ITSN1: variants seen among roughly 807,000 people sequenced by gnomAD.
The protein encoded by ITSN1 is intersectin-1.
ITSN1 carries 58 observed loss-of-function variants against 239.8 expected under a neutral mutation model. The observed-to-expected ratio is 0.24, with a 90% CI of 0.20 to 0.30. The LOEUF is 0.30. Ranked by LOEUF, ITSN1 falls within the 10% of genes least tolerant of loss-of-function variation. ITSN1 has a pLI of 1.00. For missense variants in ITSN1, 1,558 were observed against 2,103.3 expected, an observed-to-expected ratio of 0.74 and a Z score of 5.07; for synonymous variants, 780 against 770.8, an observed-to-expected ratio of 1.01 and a Z score of -0.20.
rs1049253199 is a variant in ITSN1, at chr21:33,875,622, C to T, written c.4341+101C>T. 73 of 1,029,068 alleles carry T rather than the reference C, an allele frequency of 7.1e-5. No homozygotes were observed. The African/African-American group carries it at 8.7e-4, about 12-fold the overall frequency. 63.7% of individuals were successfully genotyped at this position (1,029,068 alleles called of 1,614,324 possible). ...AGCATGAACCATTCTCCTCCCCAGC[C>T]GATAGCATCCTCATTTCCATCCAGC... On this transcript the variant is annotated intron_variant, in intron 34 of 39. Coordinates refer to ENST00000381318, the MANE Select transcript of ITSN1 (RefSeq NM_003024.3).
intron 4 of ITSN1, among the ~76,000 whole-genome samples, 175 bp downstream of exon 4, chr21:33,722,826 T>A (rs772339585): frequency 6.6e-6 from 1 of 152,202 alleles, no homozygotes; most frequent in Non-Finnish European, 1.5e-5. Flanking sequence ...CTTTCTCATA[T>A]GGAACTAAAA....
chr21:33,807,948 G>A (rs1363685982), intron 20 of ITSN1, among the ~76,000 whole-genome samples: 1 of 151,986 alleles, frequency 6.6e-6, no homozygotes, highest in African/African-American at 2.4e-5. Context: ...CACTTTGGGA[G>A]GCCGAGGCGG....
At chr21:33,764,600 T>A (rs73199863) in intron 9 of ITSN1, among the ~76,000 whole-genome samples, 1 of 152,180 alleles carries the variant, frequency 6.6e-6, no homozygotes, top group Non-Finnish European at 1.5e-5. Flanking sequence ...GTGGTTCATG[T>A]TTGTCAAAAC....
intron 1 of ITSN1, among the ~76,000 whole-genome samples, chr21:33,712,872 CATTTT>C (rs1276798061): frequency 1.3e-5 from 2 of 152,208 alleles, no homozygotes; most frequent in East Asian, 1.9e-4. Flanking sequence ...TGGTTTGTGA[CATTTT>C]ATTTTATTTT....
intron 29 of ITSN1, among the ~76,000 whole-genome samples, chr21:33,850,862 C>A (rs948817792): frequency 2.6e-5 from 4 of 152,184 alleles, no homozygotes; most frequent in African/African-American, 9.7e-5. Flanking sequence ...GAAGCCAGTG[C>A]AGCTCTGGGG....
At chr21:33,793,473 A>G (rs1456517912) in intron 16 of ITSN1, among the ~76,000 whole-genome samples, 2 of 152,198 alleles carry the variant, frequency 1.3e-5, no homozygotes, top group South Asian at 4.1e-4. Flanking sequence ...CAGTGACTCA[A>G]TCTATTGGTG....
intron 16 of ITSN1, 63 bp from the exon 17 acceptor site, chr21:33,794,278 G>C: frequency 8.1e-7 from 1 of 1,241,978 alleles, no homozygotes; most frequent in Non-Finnish European, 1.2e-6. Context: ...GTTGCATGCT[G>C]ATAAATAGTT....
chr21:33,704,105 C>G (rs2092142693), intron 1 of ITSN1, among the ~76,000 whole-genome samples: 1 of 152,154 alleles, frequency 6.6e-6, no homozygotes, highest in South Asian at 2.1e-4. Flanking sequence ...TGATTTCGTT[C>G]ACTTTTTTCT....
intron 1 of ITSN1, among the ~76,000 whole-genome samples, chr21:33,686,483 G>T (rs1342768537): frequency 6.6e-6 from 1 of 152,122 alleles, no homozygotes; most frequent in Non-Finnish European, 1.5e-5. Context: ...GATGAGTCTG[G>T]CTGGGTGGGT....
intron 6 of ITSN1, among the ~76,000 whole-genome samples, chr21:33,751,286 C>G (rs552028598): frequency 6.6e-6 from 1 of 152,200 alleles, no homozygotes; most frequent in Non-Finnish European, 1.5e-5. Flanking sequence ...CATTTGCCAT[C>G]AGGCAAGAGT....
chr21:33,656,749 C>T (rs576579006), intron 1 of ITSN1, among the ~76,000 whole-genome samples: 6 of 152,260 alleles, frequency 3.9e-5, no homozygotes, highest in East Asian at 1.9e-4. Flanking sequence ...CTCACTCTAT[C>T]GCCCAGGCTG....
intron 1 of ITSN1, among the ~76,000 whole-genome samples, chr21:33,689,930 T>C (rs919189281): frequency 2.7e-5 from 4 of 146,420 alleles, no homozygotes; most frequent in East Asian, 2.0e-4. Flanking sequence ...ATTGCACCAC[T>C]GCATTCCAGC....
chr21:33,794,547 G>C (rs148586756), intron 17 of ITSN1, 79 bp downstream of exon 17: 3 of 1,528,482 alleles, frequency 2.0e-6, no homozygotes, highest in East Asian at 2.3e-5. Flanking sequence ...TCTCCAAGTA[G>C]TTACTGCACC....
At chr21:33,769,065 G>A (rs1476701620) in intron 11 of ITSN1, among the ~76,000 whole-genome samples, 1 of 152,122 alleles carries the variant, frequency 6.6e-6, no homozygotes, top group East Asian at 1.9e-4. Flanking sequence ...GAAGATATGA[G>A]GAATTAAATG....
rs117625685 is a variant in ITSN1, at chr21:33,867,058, A to G, written c.4075-175A>G. Reference sequence around the variant, plus strand: ...CTGTGGGTCTCCATTCTCCATCTGGAAAGTGTGTCATCCTGGACAGGGTAA... The same window carrying G: ...CTGTGGGTCTCCATTCTCCATCTGGGAAGTGTGTCATCCTGGACAGGGTAA... On this transcript the variant is annotated intron_variant, in intron 32 of 39. Transcript: ENST00000381318. Among the ~76,000 whole-genome samples the G allele has an allele frequency of 1.7e-3, 260 of 152,086 alleles. 1 individual carries two copies. The highest frequency in any genetic ancestry group is 3.2e-3 in the Non-Finnish European group (218 of 67,974).
At chr21:33,670,498 AAAC>A (rs776971784) in intron 1 of ITSN1, among the ~76,000 whole-genome samples, 2 of 152,138 alleles carry the variant, frequency 1.3e-5, no homozygotes, top group East Asian at 1.9e-4. Context: ...TTTTTTCCCA[AAAC>A]AACAACATAA....
chr21:33,824,128 CA>C (rs1394892259), intron 25 of ITSN1, among the ~76,000 whole-genome samples: 1 of 152,182 alleles, frequency 6.6e-6, no homozygotes, highest in Non-Finnish European at 1.5e-5. Context: ...AGTAGAAAGA[CA>C]CAAGATCTAA....
At chr21:33,861,690 T>A (rs1028143325) in intron 31 of ITSN1, among the ~76,000 whole-genome samples, 9 of 152,164 alleles carry the variant, frequency 5.9e-5, no homozygotes, top group Middle Eastern at 3.4e-3. Flanking sequence ...CTCATGCCTG[T>A]TATCCCAGCA....
chr21:33,803,247 T>A (rs2072147950), intron 20 of ITSN1, among the ~76,000 whole-genome samples: 1 of 152,232 alleles, frequency 6.6e-6, no homozygotes, highest in Non-Finnish European at 1.5e-5. Context: ...TTAAGCGATT[T>A]GGAAGGCAAT....
Sources: gnomAD v4.1 joint callset for allele counts (sites outside exome capture counted in the v4.1 genomes callset) on GRCh38, gnomAD v4.1.1 for gene constraint, MANE v1.5 for transcripts, NCBI Gene and HGNC (gene_info 2026-07-23, HGNC 2026-07-21) for gene names.